TECPR2: variants seen among roughly 807,000 people sequenced by gnomAD.
TECPR2 encodes tectonin beta-propeller repeat-containing protein 2.
In TECPR2, 65 loss-of-function variants were observed where a neutral mutation model predicts 138.1. That is an observed-to-expected ratio of 0.47 (90% CI 0.39 to 0.58). The LOEUF (loss-of-function observed/expected upper bound fraction) is 0.58, where lower values mean the gene tolerates loss of function less well. Among genes scored for constraint, TECPR2 ranks in the 20% least tolerant of loss-of-function variants. The probability of loss-of-function intolerance (pLI) is 0.00; values close to 1 mark genes in which losing one functional copy is unlikely to be tolerated. For synonymous variants in TECPR2, 746 were observed against 749.8 expected (o/e 0.99, Z 0.08); for missense variants, 1,553 against 1,824.5 (o/e 0.85, Z 2.71).
chr14:102,498,385 A>G lies in TECPR2; in HGVS notation c.*128A>G. 2.6e-6 allele frequency: 3 copies of G among 1,162,822 alleles called. No homozygotes were observed. Among genetic ancestry groups the G allele is most frequent in the Non-Finnish European group, 3.5e-6 (3 of 848,482 alleles). 72.0% of individuals were successfully genotyped at this position (1,162,822 alleles called of 1,614,324 possible). On this transcript the variant is annotated 3_prime_UTR_variant, in exon 20 of 20. Coordinates refer to ENST00000359520, the MANE Select transcript of TECPR2 (RefSeq NM_014844.5). ...ACACCTCTGGCCAGGTTGGACCCGC[A>G]CACTTACTTTCATCTATGTTGGTTT...
intron 2 of TECPR2, among the ~76,000 whole-genome samples, chr14:102,377,593 C>T (rs1237321353): frequency 6.6e-6 from 1 of 152,140 alleles, no homozygotes; most frequent in Non-Finnish European, 1.5e-5. Context: ...GTACTCCCAG[C>T]TACTCAGGAG....
At chr14:102,410,323 C>T (rs1021713608) in intron 4 of TECPR2, among the ~76,000 whole-genome samples, 3 of 140,266 alleles carry the variant, frequency 2.1e-5, no homozygotes, top group East Asian at 2.1e-4. Flanking sequence ...ACAAACACTG[C>T]GGAAGGCCGC....
At chr14:102,377,954 G>C (rs1887686358) in intron 2 of TECPR2, among the ~76,000 whole-genome samples, 1 of 152,216 alleles carries the variant, frequency 6.6e-6, no homozygotes. Flanking sequence ...TTGGGATCCT[G>C]ACCAATCTGT....
chr14:102,404,137 C>CA (rs1888581284), intron 2 of TECPR2, among the ~76,000 whole-genome samples: 1 of 151,694 alleles, frequency 6.6e-6, no homozygotes, highest in African/African-American at 2.4e-5. Context: ...CTCCTGGGCT[C>CA]AAGTGATCCT....
chr14:102,468,404 G>A (rs1890596608), intron 17 of TECPR2, among the ~76,000 whole-genome samples: 5 of 152,118 alleles, frequency 3.3e-5, no homozygotes, highest in Admixed American at 3.3e-4. Flanking sequence ...GGCCAGGCTG[G>A]TCTTGAACTC....
Position 102,489,894 on chromosome 14 carries a change from C to G in TECPR2, c.3790-7085C>G, listed in dbSNP as rs114807358. ...CAGCTAACAAACCAGCAGTGCCAGG[C>G]TCAGCCGGGAGTTCTTTTGCCTCCA... On this transcript the variant is annotated intron_variant, in intron 17 of 19. Transcript: ENST00000359520. Among the ~76,000 whole-genome samples the G allele has an allele frequency of 5.8e-3, 887 of 152,094 alleles. 4 individuals are homozygous for G. The highest frequency in any genetic ancestry group is 0.021 in the African/African-American group (859 of 41,480).
intron 5 of TECPR2, among the ~76,000 whole-genome samples, chr14:102,421,209 G>A (rs1889171276): frequency 6.6e-6 from 1 of 152,170 alleles, no homozygotes; most frequent in African/African-American, 2.4e-5. Flanking sequence ...TTGATTGACA[G>A]GAAAGGCAGA....
At chr14:102,382,100 A>G (rs951486077) in intron 2 of TECPR2, among the ~76,000 whole-genome samples, 1 of 152,092 alleles carries the variant, frequency 6.6e-6, no homozygotes, top group African/African-American at 2.4e-5. Context: ...GAGACCATCC[A>G]GGCTAACATG....
chr14:102,389,294 CCAGCCTGGGTGA>C (rs1156274577), intron 2 of TECPR2, among the ~76,000 whole-genome samples: 1 of 152,084 alleles, frequency 6.6e-6, no homozygotes, highest in Non-Finnish European at 1.5e-5. Flanking sequence ...GCACTACACT[CCAGCCTGGGTGA>C]CAGAGCAAGT....
At chr14:102,440,100 A>G (rs1889788806) in intron 10 of TECPR2, among the ~76,000 whole-genome samples, 1 of 152,220 alleles carries the variant, frequency 6.6e-6, no homozygotes, top group South Asian at 2.1e-4. Context: ...CTCCCGTGTG[A>G]GGAGCGCCTG....
intron 10 of TECPR2, among the ~76,000 whole-genome samples, chr14:102,439,818 C>A (rs1384125409): frequency 1.3e-5 from 2 of 152,262 alleles, no homozygotes; most frequent in Admixed American, 6.5e-5. Context: ...TTGCCTGCGT[C>A]GGCCTGCTCC....
Position 102,497,602 on chromosome 14 carries a change from A to G in TECPR2, c.3964A>G (p.Arg1322Gly). The G allele has an allele frequency of 6.2e-7, 1 of 1,608,346 alleles. No individual in the cohort carries two copies. Among genetic ancestry groups the G allele is most frequent in the South Asian group, 1.1e-5 (1 of 90,190 alleles). Residue 1322 changes from arginine to glycine, a missense_variant, in exon 19 of 20, where the codon AGG becomes GGG. Transcript: ENST00000359520. The part of the protein sequence containing the change: ...LQACQLALST[R>G]TVWARCPNGD... ...GGCCTGCCAGCTGGCGCTGAGCACC[A>G]GGACCGTGTGGGCCCGCTGTCCAAA...
intron 1 of TECPR2, among the ~76,000 whole-genome samples, chr14:102,365,197 G>A (rs1322494634): frequency 1.3e-5 from 2 of 152,154 alleles, no homozygotes; most frequent in African/African-American, 4.8e-5. Context: ...GTCTTTTAAA[G>A]CACCACAAAG....
intron 15 of TECPR2, 87 bp from the exon 16 acceptor site, chr14:102,452,307 C>T: frequency 7.2e-7 from 1 of 1,388,620 alleles, no homozygotes; most frequent in Non-Finnish European, 9.9e-7. Context: ...CTAGCGTCTG[C>T]TGAAAGGCAA....
In TECPR2 at chr14:102,363,114, G is replaced by C; in HGVS notation, c.-75G>C. Reference sequence around the variant, plus strand: ...GACGAGTCCGGAGGGGCTGCCGCGGGAGGTGAGTCCGGCGACGCCGCAAGC... The same window carrying C: ...GACGAGTCCGGAGGGGCTGCCGCGGCAGGTGAGTCCGGCGACGCCGCAAGC... On this transcript the variant is annotated splice_region_variant and 5_prime_UTR_variant, in exon 1 of 20. Coordinates refer to ENST00000359520, the MANE Select transcript of TECPR2 (RefSeq NM_014844.5). 4 of 402,672 alleles carry C rather than the reference G, an allele frequency of 9.9e-6. No individual in the cohort carries two copies. The highest frequency in any genetic ancestry group is 1.7e-5 in the Non-Finnish European group (4 of 228,914). 24.9% of individuals were successfully genotyped at this position (402,672 alleles called of 1,614,324 possible).
chr14:102,380,195 T>C (rs1293155058), intron 2 of TECPR2, among the ~76,000 whole-genome samples: 1 of 151,738 alleles, frequency 6.6e-6, no homozygotes, highest in Non-Finnish European at 1.5e-5. Context: ...GGCACCCTAG[T>C]CACACTGCTG....
chr14:102,394,374 G>T lies in TECPR2; in HGVS notation c.220-12964G>T, dbSNP rs576567898. Among the ~76,000 whole-genome samples, 3 of 152,274 alleles carry T rather than the reference G, an allele frequency of 2.0e-5. No homozygotes were observed. In the East Asian group the frequency reaches 5.8e-4, roughly 29 times the overall value. ...TAATCCCAGCACTTTGGGAGGCTGA[G>T]GCAGGATCACTGGAGTCCAGGAGTT... On this transcript the variant is annotated intron_variant, in intron 2 of 19. Coordinates refer to ENST00000359520, the MANE Select transcript of TECPR2 (RefSeq NM_014844.5).
intron 2 of TECPR2, among the ~76,000 whole-genome samples, chr14:102,382,161 C>T (rs980905656): frequency 1.3e-5 from 2 of 152,096 alleles, no homozygotes; most frequent in East Asian, 1.9e-4. Flanking sequence ...GGTGTGGTGG[C>T]GGGCTCCTGT....
chr14:102,450,647 A>C lies in TECPR2; in HGVS notation c.3404A>C (p.Glu1135Ala), dbSNP rs1334662203. 1.9e-6 allele frequency: 3 copies of C among 1,614,106 alleles called. No homozygotes were observed. The highest frequency in any genetic ancestry group is 1.7e-5 in the Admixed American group (1 of 60,026). The change falls in exon 15 of 20, where the codon GAA becomes GCA. Residue 1135 changes from glutamate (E) to alanine (A), a missense_variant and splice_region_variant. By Grantham distance (107) the Glu-to-Ala change is moderately radical. Coordinates refer to ENST00000359520, the MANE Select transcript of TECPR2 (RefSeq NM_014844.5). ...TTGGCTTCTGCAGCTCCCACGAAGG[A>C]AGGTGGGTCAGTCTTAGCCTCACTG... ...FVLASAAPTK[E>A]GSFLWLCQSS...
Sources: allele counts gnomAD v4.1 joint callset (sites outside exome capture counted in the v4.1 genomes callset), GRCh38; gene constraint gnomAD v4.1.1; transcripts MANE v1.5; gene names NCBI Gene and HGNC (gene_info 2026-07-23, HGNC 2026-07-21).